EZH1: variants seen among roughly 807,000 people sequenced by gnomAD.
The protein encoded by EZH1 is histone-lysine N-methyltransferase EZH1.
In EZH1, 33 loss-of-function variants were observed where a neutral mutation model predicts 100.5. That is an observed-to-expected ratio of 0.33 (90% CI 0.25 to 0.44). EZH1 has a LOEUF of 0.44. EZH1 is among the 20% of genes least tolerant of loss of function. EZH1 has a pLI of 1.00. For synonymous variants in EZH1, 272 were observed against 313.8 expected (o/e 0.87, Z 1.41); for missense variants, 475 against 928.4 (o/e 0.51, Z 6.35).
chr17:42,711,955 C>T (rs2053492347), intron 12 of EZH1, among the ~76,000 whole-genome samples: 2 of 152,160 alleles, frequency 1.3e-5, no homozygotes, highest in South Asian at 4.1e-4. Context: ...ACAGAAAGAC[C>T]TGGGAGTCCC....
intron 1 of EZH1, among the ~76,000 whole-genome samples, chr17:42,742,045 C>T (rs2054185606): frequency 6.6e-6 from 1 of 152,040 alleles, no homozygotes; most frequent in Non-Finnish European, 1.5e-5. Context: ...GAAACAAGCC[C>T]GACCACATTT....
intron 1 of EZH1, among the ~76,000 whole-genome samples, chr17:42,738,410 T>C (rs959088529): frequency 6.6e-6 from 1 of 151,936 alleles, no homozygotes; most frequent in Non-Finnish European, 1.5e-5. Flanking sequence ...GCACTACAGA[T>C]TTTTATTTTT....
intron 6 of EZH1, among the ~76,000 whole-genome samples, chr17:42,722,242 A>G (rs1427533241): frequency 6.6e-6 from 1 of 150,740 alleles, no homozygotes; most frequent in East Asian, 2.0e-4. Flanking sequence ...ACTTAAGCCC[A>G]GGAGGCTGAG....
At chr17:42,720,547 T>C (rs1347854722) in intron 6 of EZH1, 98 bp from the exon 7 acceptor site, 2 of 1,018,730 alleles carry the variant, frequency 2.0e-6, no homozygotes, top group Admixed American at 6.4e-5. Flanking sequence ...GGCCCAGATA[T>C]GTCACATGTG....
At chr17:42,729,441 C>G (rs2053892315) in intron 2 of EZH1, among the ~76,000 whole-genome samples, 2 of 151,750 alleles carry the variant, frequency 1.3e-5, no homozygotes, top group African/African-American at 2.4e-5. Flanking sequence ...CAAAAAACAA[C>G]AAGAAGTCCA....
chr17:42,702,656 G>A (rs2053267353), intron 20 of EZH1, 64 bp from the exon 21 acceptor site: 2 of 1,490,092 alleles, frequency 1.3e-6, no homozygotes, highest in African/African-American at 1.4e-5. Flanking sequence ...AAAAGGCGGA[G>A]TCCCCTCCCG....
chr17:42,704,982 G>T, intron 17 of EZH1, 106 bp downstream of exon 17: 1 of 987,112 alleles, frequency 1.0e-6, no homozygotes, highest in Non-Finnish European at 1.6e-6. Flanking sequence ...TGAGAACACA[G>T]CTGAGTTATT....
Position 42,720,358 on chromosome 17 carries a change from C to T in EZH1, c.579G>A (p.Gly193=). The T allele has an allele frequency of 6.2e-7, 1 of 1,614,186 alleles. No individual in the cohort carries two copies. Among genetic ancestry groups the T allele is most frequent in the Non-Finnish European group, 8.5e-7 (1 of 1,180,036 alleles). The change falls in exon 7 of 21, where the codon GGG becomes GGA. Residue 193 remains glycine (G), a synonymous_variant. Coordinates refer to ENST00000428826, the MANE Select transcript of EZH1 (RefSeq NM_001991.5). ...LNQYSDEEEE[G]HNDTSDGKQD... ...GCTTTCCATCTGAGGTGTCATTGTG[C>T]CCTTCCTCCTCCTCATCTGAGTACT...
chr17:42,725,066 C>T (rs1276529731), intron 4 of EZH1, among the ~76,000 whole-genome samples: 6 of 151,832 alleles, frequency 4.0e-5, no homozygotes, highest in Non-Finnish European at 7.4e-5. Flanking sequence ...ACTCGGGAGG[C>T]TGAGGCAGGA....
intron 10 of EZH1, chr17:42,714,346 T>C: frequency 3.6e-6 from 1 of 275,066 alleles, no homozygotes; most frequent in Non-Finnish European, 7.4e-6. Context: ...AATATAGCTT[T>C]TAACAAAACT....
At chr17:42,719,003 C>T (rs1441643908) in intron 8 of EZH1, 102 bp downstream of exon 8, 1 of 831,912 alleles carries the variant, frequency 1.2e-6, no homozygotes, top group African/African-American at 1.7e-5. Context: ...AATCATAATG[C>T]CCTTACCATA....
intron 6 of EZH1, among the ~76,000 whole-genome samples, chr17:42,721,156 C>T (rs2053698502): frequency 6.6e-6 from 1 of 152,138 alleles, no homozygotes; most frequent in Non-Finnish European, 1.5e-5. Context: ...TAAAATTGTA[C>T]TTTATGGAGA....
rs1001404778 is a variant in EZH1 at position 42,708,265 on chromosome 17, T to G, written c.1535-182A>C. On this transcript the variant is annotated intron_variant, in intron 14 of 20. Transcript: ENST00000428826. Reference sequence around the variant, plus strand: ...GTTCATAAGCTGCAGTGGGGTGATCTGCTTTGTGGGGAGGGTGTGGAGATG... The same window carrying G: ...GTTCATAAGCTGCAGTGGGGTGATCGGCTTTGTGGGGAGGGTGTGGAGATG... 9 of 617,974 alleles carry G rather than the reference T, an allele frequency of 1.5e-5. No individual in the cohort carries two copies. The African/African-American group carries it at 1.7e-4, about 11-fold the overall frequency. The allele number at this position is 617,974 out of a possible 1,614,324, so 38.3% of individuals were successfully genotyped here.
chr17:42,725,308 T>C (rs984302109), intron 4 of EZH1, among the ~76,000 whole-genome samples: 1 of 151,990 alleles, frequency 6.6e-6, no homozygotes, highest in African/African-American at 2.4e-5. Flanking sequence ...CTCACTCTGT[T>C]GCCCAGGCTG....
chr17:42,722,317 T>TA (rs879940984), intron 6 of EZH1, among the ~76,000 whole-genome samples: 18 of 140,640 alleles, frequency 1.3e-4, no homozygotes, highest in South Asian at 2.3e-4. Context: ...TCCCTGTCTC[T>TA]AAAAAAAAAA....
intron 1 of EZH1, among the ~76,000 whole-genome samples, chr17:42,744,734 C>T (rs1164008469): frequency 6.6e-6 from 1 of 151,976 alleles, no homozygotes; most frequent in African/African-American, 2.4e-5. Context: ...AACGGGATTC[C>T]CCGTCCCCGA....
chr17:42,708,032 C>T lies in EZH1; in HGVS notation c.1586G>A (p.Arg529His), dbSNP rs201655400. The T allele has an allele frequency of 9.9e-6, 16 of 1,611,760 alleles. No homozygotes were observed. Among genetic ancestry groups the T allele is most frequent in the African/African-American group, 4.0e-5 (3 of 74,354 alleles). ...YNYQPCDHPDRPCDSTCPCIM... is the reference protein window; with the variant it reads ...YNYQPCDHPDHPCDSTCPCIM... The stretch of plus-strand genomic sequence containing the variant: ...GCAGGGGCAGGTGCTGTCACAGGGG[C>T]GGTCTGGGTGGTCGCAGGGTTGGTA... The change falls in exon 15 of 21, where the codon CGC (arginine) becomes CAC (histidine). Residue 529 changes from arginine to histidine, a missense_variant. Coordinates refer to ENST00000428826, the MANE Select transcript of EZH1 (RefSeq NM_001991.5).
chr17:42,729,094 G>A (rs1053597280), intron 2 of EZH1, 142 bp from the exon 3 acceptor site: 5 of 796,638 alleles, frequency 6.3e-6, no homozygotes, highest in Non-Finnish European at 9.4e-6. Flanking sequence ...GAACCCAAAT[G>A]TGTGAGTTCA....
At chr17:42,740,777 T>A (rs779540536) in intron 1 of EZH1, among the ~76,000 whole-genome samples, 1 of 152,218 alleles carries the variant, frequency 6.6e-6, no homozygotes, top group Non-Finnish European at 1.5e-5. Context: ...TATCATCCAA[T>A]AAAAATAAGA....
Sources: allele counts gnomAD v4.1 joint callset (sites outside exome capture counted in the v4.1 genomes callset), GRCh38; gene constraint gnomAD v4.1.1; transcripts MANE v1.5; gene names NCBI Gene and HGNC (gene_info 2026-07-23, HGNC 2026-07-21).